The following KATNIP variants were observed in gnomAD, a reference collection of about 807,000 sequenced individuals.
KATNIP encodes katanin interacting protein, also known as katanin-interacting protein.
KATNIP carries 126 observed loss-of-function variants against 174.0 expected under a neutral mutation model. That is an observed-to-expected ratio of 0.72 (90% confidence interval 0.63 to 0.84). The LOEUF (loss-of-function observed/expected upper bound fraction) is 0.84. KATNIP is among the 40% of genes least tolerant of loss of function. The pLI is 0.00. For synonymous variants in KATNIP, 810 were observed against 835.7 expected (o/e 0.97, Z 0.53); for missense variants, 1,958 against 2,109.7 (o/e 0.93, Z 1.41).
chr16:27,761,267 CCA>C lies in KATNIP; in HGVS notation c.3632-143_3632-142del, dbSNP rs1350726467. 11 of 774,114 alleles carry C rather than the reference CCA, an allele frequency of 1.4e-5. No individual in the cohort carries two copies. In the African/African-American group the frequency reaches 1.9e-4, roughly 14 times the overall value. The allele number at this position is 774,114 out of a possible 1,614,324, so 48.0% of individuals were successfully genotyped here. ...GGGCCCAAGGCCACCTAGAGGAAAG[CCA>C]CAGAGCCCACCTGCAAGGCACTTTG... On this transcript the variant is annotated intron_variant, in intron 18 of 27. Transcript: ENST00000261588.
intron 1 of KATNIP, among the ~76,000 whole-genome samples, chr16:27,556,230 A>G (rs114498890): frequency 2.1e-3 from 318 of 152,286 alleles, no homozygotes; most frequent in African/African-American, 7.2e-3. Context: ...GTGCTGATGA[A>G]GCTCTCTAGC....
Position 27,698,399 on chromosome 16 carries a change from G to A in KATNIP, c.1012G>A (p.Glu338Lys), listed in dbSNP as rs932063505. 12 of 1,613,594 alleles carry A rather than the reference G, an allele frequency of 7.4e-6. 1 individual carries two copies. Among genetic ancestry groups the A allele is most frequent in the East Asian group, 2.2e-5 (1 of 44,888 alleles). ...TCTTTGCGAGGCTGAGTACCCAGAG[G>A]AAGATGCCTCTGCTGTGCTCCAAGC... Reference protein sequence around the residue: ...KTLCEAEYPEEDASAVLQAIQ... With the variant: ...KTLCEAEYPEKDASAVLQAIQ... The change falls in exon 9 of 28, where the codon GAA becomes AAA. Residue 338 changes from glutamate to lysine, a missense_variant. Around this residue, in one of 3 missense-constraint regions of KATNIP, gnomAD observed 1,557 missense variants for 1,617.8 expected, o/e 0.96. Transcript: ENST00000261588.
intron 14 of KATNIP, among the ~76,000 whole-genome samples, chr16:27,737,489 A>G (rs890968493): frequency 1.3e-5 from 2 of 152,168 alleles, no homozygotes; most frequent in Non-Finnish European, 2.9e-5. Context: ...TGGAGAGGTC[A>G]GGGTTGGAGA....
intron 13 of KATNIP, among the ~76,000 whole-genome samples, chr16:27,720,496 C>CT (rs56263804): frequency 0.76 from 93,919 of 123,906 alleles, 36,541 homozygotes; most frequent in South Asian, 0.85. Flanking sequence ...GGGTTTTGTT[C>CT]TTTTTTTTTT....
At chr16:27,667,451 A>AT in intron 6 of KATNIP, among the ~76,000 whole-genome samples, 1 of 152,222 alleles carries the variant, frequency 6.6e-6, no homozygotes, top group Non-Finnish European at 1.5e-5. Flanking sequence ...AATGCCTCAT[A>AT]TAGTACAAGA....
At chr16:27,613,847 C>T (rs1028286002) in intron 2 of KATNIP, among the ~76,000 whole-genome samples, 1 of 152,154 alleles carries the variant, frequency 6.6e-6, no homozygotes, top group Admixed American at 6.5e-5. Context: ...GACTCAGGCC[C>T]AGGGGAGGAC....
intron 11 of KATNIP, among the ~76,000 whole-genome samples, chr16:27,703,580 G>C (rs954446239): frequency 6.6e-6 from 1 of 152,150 alleles, no homozygotes; most frequent in Admixed American, 6.5e-5. Flanking sequence ...AACAGGTCAC[G>C]GGCTGGATTT....
At chr16:27,778,539 A>G in intron 27 of KATNIP, 35 bp from the exon 28 acceptor site, 1 of 1,606,892 alleles carries the variant, frequency 6.2e-7, no homozygotes, top group Non-Finnish European at 8.5e-7. Context: ...TTTGAGACTT[A>G]GTAACTCTGG....
At chr16:27,568,856 C>G (rs1055113499) in intron 1 of KATNIP, among the ~76,000 whole-genome samples, 7 of 152,106 alleles carry the variant, frequency 4.6e-5, no homozygotes, top group African/African-American at 1.7e-4. Flanking sequence ...CTTTTATTCT[C>G]CAAAACCTGA....
At chr16:27,591,000 T>C (rs1292484609) in intron 2 of KATNIP, among the ~76,000 whole-genome samples, 1 of 152,214 alleles carries the variant, frequency 6.6e-6, no homozygotes, top group African/African-American at 2.4e-5. Flanking sequence ...GAGGCTGATA[T>C]ACGGACTTGC....
At chr16:27,687,461 C>A (rs1231941290) in intron 8 of KATNIP, 1 of 152,066 alleles carries the variant, frequency 6.6e-6, no homozygotes, top group African/African-American at 2.4e-5. Context: ...GCCCCTTTTT[C>A]TTAGACTAAG....
chr16:27,560,304 AAG>A (rs1267887469), intron 1 of KATNIP, among the ~76,000 whole-genome samples: 5 of 151,592 alleles, frequency 3.3e-5, no homozygotes, highest in Non-Finnish European at 7.4e-5. Context: ...AAAAAAAAAA[AAG>A]GTAATTTCAC....
chr16:27,556,011 C>T (rs1427803302), intron 1 of KATNIP, among the ~76,000 whole-genome samples: 1 of 151,780 alleles, frequency 6.6e-6, no homozygotes, highest in Non-Finnish European at 1.5e-5. Flanking sequence ...GCCTGTAATC[C>T]CAGATACTCG....
At position 27,555,672 on chromosome 16, in the gene KATNIP, T is replaced by TA. The variant is rs367675113; in HGVS notation, c.7+5502dup. On this transcript the variant is annotated intron_variant, in intron 1 of 27. Coordinates refer to ENST00000261588, the MANE Select transcript of KATNIP (RefSeq NM_015202.5). ...CAACATGGAGAAACCCTGTCTCTACTAAAAAAATGCAAAATTAGCTGGGTG... is the reference window on the plus strand; with the variant it reads ...CAACATGGAGAAACCCTGTCTCTACTAAAAAAAATGCAAAATTAGCTGGGTG... 5.1e-4 allele frequency among the ~76,000 whole-genome samples: 78 copies of TA among 151,758 alleles called. 1 individual carries two copies. The highest frequency in any genetic ancestry group is 1.6e-3 in the African/African-American group (65 of 41,340).
intron 14 of KATNIP, among the ~76,000 whole-genome samples, chr16:27,735,636 G>A (rs1003801361): frequency 1.3e-5 from 2 of 152,206 alleles, no homozygotes; most frequent in East Asian, 3.8e-4. Flanking sequence ...GTCGGCAAAT[G>A]GTAGCCTGCC....
At chr16:27,609,660 G>T (rs2075828301) in intron 2 of KATNIP, among the ~76,000 whole-genome samples, 1 of 151,080 alleles carries the variant, frequency 6.6e-6, no homozygotes, top group Admixed American at 6.6e-5. Flanking sequence ...AAAGTGCTGG[G>T]ATTACAGGCG....
At chr16:27,621,987 A>C (rs2076210140) in intron 3 of KATNIP, among the ~76,000 whole-genome samples, 1 of 152,016 alleles carries the variant, frequency 6.6e-6, no homozygotes, top group Non-Finnish European at 1.5e-5. Flanking sequence ...AACTATATAC[A>C]AGCCAATCAC....
Position 27,778,981 on chromosome 16 carries a change from C to A in KATNIP, c.*352C>A. The A allele has an allele frequency of 4.3e-6, 1 of 232,622 alleles. No individual in the cohort carries two copies. Among genetic ancestry groups the A allele is most frequent in the Non-Finnish European group, 8.3e-6 (1 of 120,826 alleles). 14.4% of individuals were successfully genotyped at this position (232,622 alleles called of 1,614,324 possible). A position where few individuals can be genotyped will look rare whatever the true frequency, so the allele number is the denominator to read the frequency against. On this transcript the variant is annotated 3_prime_UTR_variant, in exon 28 of 28. Coordinates refer to ENST00000261588, the MANE Select transcript of KATNIP (RefSeq NM_015202.5). ...GACAATGACGGGGTGGGGAGGCATC[C>A]CATCCAGCCTCAGAGGGCCCAGAGA...
At chr16:27,720,713 A>T (rs2080190240) in intron 13 of KATNIP, among the ~76,000 whole-genome samples, 1 of 152,016 alleles carries the variant, frequency 6.6e-6, no homozygotes, top group South Asian at 2.1e-4. Context: ...TGAATTCCCC[A>T]GATTGAGAAG....
Sources: gnomAD v4.1 joint callset for allele counts (sites outside exome capture counted in the v4.1 genomes callset) on GRCh38, gnomAD v4.1.1 for gene constraint, gnomAD v4.1.1 regional missense constraint, MANE v1.5 for transcripts, NCBI Gene and HGNC (gene_info 2026-07-23, HGNC 2026-07-21) for gene names.